The following PRH1 variants were observed in gnomAD, a reference collection of about 807,000 sequenced individuals.
The protein encoded by PRH1 is proline rich protein HaeIII subfamily 1.
In PRH1, 7 loss-of-function variants were observed where a neutral mutation model predicts 7.9. The observed-to-expected ratio is 0.89, with a 90% CI of 0.50 to 1.67. The LOEUF is 1.67. PRH1 is among the 40% of genes most tolerant of loss of function. The pLI is 0.00. For missense variants in PRH1, 109 were observed against 223.6 expected (o/e 0.49, Z 3.27); for synonymous variants, 45 against 80.8 (o/e 0.56, Z 2.38).
chr12:11,107,909 A>C (rs1427308131), intron 1 of PRH1, among the ~76,000 whole-genome samples: 2 of 152,220 alleles, frequency 1.3e-5, no homozygotes, highest in East Asian at 3.8e-4. Flanking sequence ...AAAGCAGCAA[A>C]AGAAAAGGAA....
chr12:11,065,958 C>G (rs1403820203), intron 1 of PRH1, among the ~76,000 whole-genome samples: 1 of 152,196 alleles, frequency 6.6e-6, no homozygotes, highest in Admixed American at 6.5e-5. Context: ...CTCAAAATGT[C>G]ATTACAATTA....
intron 2 of PRH1, among the ~76,000 whole-genome samples, chr12:10,889,473 T>G (rs1296457057): frequency 2.6e-5 from 4 of 152,202 alleles, no homozygotes; most frequent in African/African-American, 9.6e-5. Flanking sequence ...AATTGGACAA[T>G]GAATTTTCCT....
chr12:11,081,132 G>A lies in PRH1; in HGVS notation n.124-33944C>T, dbSNP rs774143991. 1.4e-4 allele frequency among the ~76,000 whole-genome samples: 16 copies of A among 117,476 alleles called. 4 individuals are homozygous for A. Among genetic ancestry groups the A allele is most frequent in the Non-Finnish European group, 2.4e-4 (12 of 49,372 alleles). 77.1% of individuals were successfully genotyped at this position (117,476 alleles called of 152,430 possible). ...ACAGAACTCCAGAAGTATGTTAGGT[G>A]TTGTGACTGTAGCCTCAATGTGTTA... On this transcript the variant is annotated intron_variant and non_coding_transcript_variant, in intron 1 of 4. Transcript: ENST00000541977.
At chr12:10,908,324 C>A in intron 2 of PRH1, 9 of 1,454,118 alleles carry the variant, frequency 6.2e-6, no homozygotes, top group Non-Finnish European at 7.5e-6. Context: ...CTTGTAGACT[C>A]CTGTTTCTGT....
At chr12:11,152,228 C>CCCCTCT (rs1403186311) in intron 1 of PRH1, among the ~76,000 whole-genome samples, 92 of 117,692 alleles carry the variant, frequency 7.8e-4, no homozygotes, top group Non-Finnish European at 1.3e-3. Context: ...GCTATCCCTC[C>CCCCTCT]CCCCTCCCCC....
At chr12:10,914,685 C>T (rs1949948428) in intron 2 of PRH1, among the ~76,000 whole-genome samples, 1 of 152,134 alleles carries the variant, frequency 6.6e-6, no homozygotes, top group Admixed American at 6.5e-5. Flanking sequence ...ACACAAGTGA[C>T]TTCATTTTGA....
intron 1 of PRH1, among the ~76,000 whole-genome samples, chr12:11,115,765 A>G (rs189067208): frequency 1.3e-5 from 2 of 152,272 alleles, no homozygotes; most frequent in Admixed American, 6.5e-5. Context: ...ATACAGACAC[A>G]TGGAAATGAA....
At chr12:10,957,430 T>C (rs1235609170) in intron 2 of PRH1, among the ~76,000 whole-genome samples, 2 of 152,052 alleles carry the variant, frequency 1.3e-5, no homozygotes, top group Non-Finnish European at 2.9e-5. Context: ...GGTTAAATAA[T>C]AAAATGTAAA....
At chr12:10,891,350 T>C (rs1238029144) in intron 2 of PRH1, 1 of 152,228 alleles carries the variant, frequency 6.6e-6, no homozygotes, top group Admixed American at 6.5e-5. Context: ...TACCTAATGT[T>C]ATCTGGAGAA....
intron 1 of PRH1, among the ~76,000 whole-genome samples, chr12:11,037,834 G>C (rs1211158463): frequency 1.3e-5 from 2 of 152,166 alleles, no homozygotes; most frequent in East Asian, 1.9e-4. Flanking sequence ...GAGCACAAGA[G>C]TTCAAGCCCA....
chr12:10,957,723 A>G (rs1038500962), intron 2 of PRH1, among the ~76,000 whole-genome samples: 2 of 152,186 alleles, frequency 1.3e-5, no homozygotes, highest in African/African-American at 2.4e-5. Flanking sequence ...TACAAGCAAA[A>G]AACAAATACC....
intron 1 of PRH1, among the ~76,000 whole-genome samples, chr12:11,135,015 C>T (rs1007616130): frequency 1.3e-5 from 2 of 152,114 alleles, no homozygotes; most frequent in African/African-American, 4.8e-5. Context: ...TGAAATTAGT[C>T]CTATTTTCCC....
At chr12:11,108,051 A>G (rs1945478713) in intron 1 of PRH1, among the ~76,000 whole-genome samples, 1 of 152,198 alleles carries the variant, frequency 6.6e-6, no homozygotes, top group Non-Finnish European at 1.5e-5. Flanking sequence ...GAAGGAAGAA[A>G]ACTTTCAGCC....
chr12:11,095,769 C>A lies in PRH1; in HGVS notation n.124-48581G>T, dbSNP rs1454542800. ...AGTAAGCCATGATCCTACCACTGAA[C>A]TCCAGCGTGGACAACAGAGTGAGAA... On this transcript the variant is annotated intron_variant and non_coding_transcript_variant, in intron 1 of 4. Coordinates refer to the PRH1 transcript ENST00000541977. 1.7e-5 allele frequency among the ~76,000 whole-genome samples: 2 copies of A among 115,040 alleles called. 1 individual carries two copies. The highest frequency in any genetic ancestry group is 4.1e-5 in the Non-Finnish European group (2 of 48,890). The allele number at this position is 115,040 out of a possible 152,430, so 75.5% of individuals were successfully genotyped here.
chr12:11,118,438 G>A (rs1312386926), downstream of PRH1, among the ~76,000 whole-genome samples: 4 of 152,244 alleles, frequency 2.6e-5, no homozygotes, highest in Non-Finnish European at 4.4e-5. Flanking sequence ...TGGTGAGGAT[G>A]TGGAGAAACG....
intron 1 of PRH1, chr12:11,061,756 G>C (rs1346697664): frequency 1.3e-5 from 21 of 1,613,962 alleles, no homozygotes; most frequent in Non-Finnish European, 1.7e-5. Context: ...TGCTAGGATG[G>C]TTACCGTTGT....
Position 11,085,659 on chromosome 12 carries a change from C to A in PRH1, n.124-38471G>T, listed in dbSNP as rs1181609246. ...GAAAATATGATAATTTCCAAAACAG[C>A]TGAAACTGACTCATATTCAAATACT... On this transcript the variant is annotated intron_variant and non_coding_transcript_variant, in intron 1 of 4. Coordinates refer to the PRH1 transcript ENST00000541977. Among the ~76,000 whole-genome samples the A allele has an allele frequency of 1.7e-5, 2 of 116,022 alleles. 1 individual carries two copies. The highest frequency in any genetic ancestry group is 4.1e-5 in the Non-Finnish European group (2 of 49,054). 76.1% of individuals were successfully genotyped at this position (116,022 alleles called of 152,430 possible).
intron 2 of PRH1, among the ~76,000 whole-genome samples, chr12:10,905,224 T>C (rs1361251156): frequency 6.6e-6 from 1 of 152,082 alleles, no homozygotes; most frequent in Non-Finnish European, 1.5e-5. Context: ...ATTTTTTTTT[T>C]TTTGAGACAG....
intron 2 of PRH1, among the ~76,000 whole-genome samples, chr12:10,965,560 C>T (rs1938461928): frequency 6.6e-6 from 1 of 152,268 alleles, no homozygotes; most frequent in African/African-American, 2.4e-5. Flanking sequence ...GGAAAACATT[C>T]TAATTTTCAA....
Sources: gnomAD v4.1 joint callset for allele counts (sites outside exome capture counted in the v4.1 genomes callset) on GRCh38, gnomAD v4.1.1 for gene constraint, MANE v1.5 for transcripts, NCBI Gene and HGNC (gene_info 2026-07-23, HGNC 2026-07-21) for gene names.